The following CDK17 variants were observed in gnomAD, a reference collection of about 807,000 sequenced individuals.
CDK17 encodes cyclin-dependent kinase 17.
In CDK17, 24 loss-of-function variants were observed where a neutral mutation model predicts 77.6. That is an observed-to-expected ratio of 0.31 (90% CI 0.22 to 0.44). CDK17 has a LOEUF of 0.44. Ranked by LOEUF, CDK17 falls within the 20% of genes least tolerant of loss-of-function variation. The pLI is 1.00. For missense variants in CDK17, 429 were observed against 622.5 expected, an observed-to-expected ratio of 0.69 and a Z score of 3.31; for synonymous variants, 203 against 210.4, an observed-to-expected ratio of 0.96 and a Z score of 0.30.
intron 1 of CDK17, among the ~76,000 whole-genome samples, chr12:96,348,369 C>A (rs1372497954): frequency 6.6e-6 from 1 of 151,362 alleles, no homozygotes; most frequent in Non-Finnish European, 1.5e-5. Flanking sequence ...TACTAAAATA[C>A]AAAAATTAGC....
At chr12:96,291,752 G>A (rs1270790742) in intron 10 of CDK17, among the ~76,000 whole-genome samples, 1 of 150,650 alleles carries the variant, frequency 6.6e-6, no homozygotes, top group Non-Finnish European at 1.5e-5. Context: ...CCAAATAGCT[G>A]GGATTACAGG....
chr12:96,340,341 G>T (rs1953105468), intron 1 of CDK17, among the ~76,000 whole-genome samples: 1 of 152,012 alleles, frequency 6.6e-6, no homozygotes, highest in East Asian at 1.9e-4. Context: ...TCAGGAGTAA[G>T]AAAGATATTT....
At chr12:96,301,241 C>CAAAAAAAAAAA (rs376295045) in intron 5 of CDK17, among the ~76,000 whole-genome samples, 4 of 85,560 alleles carry the variant, frequency 4.7e-5, no homozygotes, top group African/African-American at 1.3e-4. Flanking sequence ...AACACTCGGC[C>CAAAAAAAAAAA]AAAAAAAAAA....
intron 5 of CDK17, among the ~76,000 whole-genome samples, chr12:96,309,067 T>C (rs1022274906): frequency 6.6e-6 from 1 of 152,226 alleles, no homozygotes; most frequent in African/African-American, 2.4e-5. Context: ...ACCTTTGATG[T>C]CTTCTCATTA....
At chr12:96,283,263 T>C (rs1952199738) in intron 14 of CDK17, among the ~76,000 whole-genome samples, 1 of 152,074 alleles carries the variant, frequency 6.6e-6, no homozygotes, top group African/African-American at 2.4e-5. Flanking sequence ...GAGGGAAATA[T>C]GAATGGCATT....
At chr12:96,289,732 AT>A (rs1293554713) in intron 10 of CDK17, among the ~76,000 whole-genome samples, 2 of 152,126 alleles carry the variant, frequency 1.3e-5, no homozygotes, top group African/African-American at 2.4e-5. Flanking sequence ...TTGCTATACC[AT>A]TTTTTATCAA....
At chr12:96,337,055 C>T (rs1953051426) in intron 1 of CDK17, among the ~76,000 whole-genome samples, 1 of 152,112 alleles carries the variant, frequency 6.6e-6, no homozygotes, top group Non-Finnish European at 1.5e-5. Flanking sequence ...TGTTACCTTC[C>T]TCCAGAAAGG....
At chr12:96,371,252 C>G (rs1953688218) in intron 1 of CDK17, among the ~76,000 whole-genome samples, 1 of 151,964 alleles carries the variant, frequency 6.6e-6, no homozygotes, top group Non-Finnish European at 1.5e-5. Context: ...ACCAGATTAT[C>G]TCAAAATGAA....
intron 3 of CDK17, among the ~76,000 whole-genome samples, chr12:96,322,740 A>C (rs1238742657): frequency 6.6e-6 from 1 of 152,234 alleles, no homozygotes; most frequent in African/African-American, 2.4e-5. Context: ...AAAATTAGGA[A>C]GCAATGACTT....
intron 13 of CDK17, 81 bp downstream of exon 13, chr12:96,285,962 G>A: frequency 2.8e-6 from 2 of 709,768 alleles, no homozygotes; most frequent in Admixed American, 2.0e-5. Context: ...ATTTTTTCCT[G>A]AATCCTTACT....
intron 11 of CDK17, 149 bp from the exon 12 acceptor site, chr12:96,286,910 T>A (rs1952253678): frequency 1.7e-6 from 1 of 594,434 alleles, no homozygotes; most frequent in Non-Finnish European, 3.0e-6. Context: ...AACTAATTTG[T>A]TCGCATTTAC....
intron 2 of CDK17, among the ~76,000 whole-genome samples, chr12:96,326,768 G>C (rs753328881): frequency 1.3e-5 from 2 of 152,170 alleles, no homozygotes; most frequent in African/African-American, 4.8e-5. Flanking sequence ...TGTGTTAGAG[G>C]ACTAGAAAGA....
chr12:96,334,496 C>T (rs1196163157), intron 2 of CDK17, among the ~76,000 whole-genome samples: 1 of 152,128 alleles, frequency 6.6e-6, no homozygotes, highest in Non-Finnish European at 1.5e-5. Flanking sequence ...TAGAACAATT[C>T]ATCAGGGTTT....
At chr12:96,394,646 C>T (rs987163078) in intron 1 of CDK17, among the ~76,000 whole-genome samples, 1 of 151,886 alleles carries the variant, frequency 6.6e-6, no homozygotes, top group Admixed American at 6.6e-5. Context: ...GAAAACCCAT[C>T]TCTACTAAAA....
chr12:96,378,382 A>C (rs931698197), intron 1 of CDK17, among the ~76,000 whole-genome samples: 11 of 152,160 alleles, frequency 7.2e-5, no homozygotes, highest in Non-Finnish European at 1.0e-4. Context: ...CCTTTGACAT[A>C]ACTCATTCGT....
chr12:96,314,121 C>T (rs1383124633), intron 3 of CDK17, among the ~76,000 whole-genome samples: 1 of 152,140 alleles, frequency 6.6e-6, no homozygotes, highest in Non-Finnish European at 1.5e-5. Context: ...TGGGTTATGG[C>T]ATGCTTAATA....
intron 12 of CDK17, among the ~76,000 whole-genome samples, chr12:96,286,442 A>AAAT (rs1250342212): frequency 6.6e-6 from 1 of 152,120 alleles, no homozygotes; most frequent in Non-Finnish European, 1.5e-5. Flanking sequence ...CATACTAATT[A>AAAT]TGTTCTGTTT....
intron 1 of CDK17, among the ~76,000 whole-genome samples, chr12:96,377,936 G>A (rs756151079): frequency 3.4e-4 from 51 of 152,032 alleles, no homozygotes; most frequent in East Asian, 7.7e-4. Flanking sequence ...CTCGTGATCC[G>A]CCCACCTTGG....
At chr12:96,341,933 A>C (rs907569664) in intron 1 of CDK17, among the ~76,000 whole-genome samples, 1 of 152,122 alleles carries the variant, frequency 6.6e-6, no homozygotes, top group Non-Finnish European at 1.5e-5. Context: ...AAATATTCTT[A>C]AAACAATTTT....
Sources: gnomAD v4.1 joint callset for allele counts (sites outside exome capture counted in the v4.1 genomes callset) on GRCh38, gnomAD v4.1.1 for gene constraint, MANE v1.5 for transcripts, NCBI Gene and HGNC (gene_info 2026-07-23, HGNC 2026-07-21) for gene names.